KAZN: variants seen among roughly 807,000 people sequenced by gnomAD.
KAZN encodes the protein kazrin, periplakin interacting protein, also known as kazrin.
A neutral mutation model predicts 87.4 loss-of-function variants in KAZN; 40 were observed. The ratio of observed to expected loss-of-function variants is 0.46; its 90% CI spans 0.36 to 0.60. KAZN has a LOEUF of 0.60. Ranked by LOEUF, KAZN falls within the 20% of genes least tolerant of loss-of-function variation. The pLI, the probability that KAZN is intolerant of heterozygous loss-of-function variation, is 0.00. For missense variants in KAZN, 898 were observed against 1,073.9 expected, an observed-to-expected ratio of 0.84 and a Z score of 2.29; for synonymous variants, 466 against 458.3, an observed-to-expected ratio of 1.02 and a Z score of -0.22.
intron 13 of KAZN, among the ~76,000 whole-genome samples, chr1:15,108,976 G>A (rs1487186820): frequency 6.6e-6 from 1 of 152,148 alleles, no homozygotes. Flanking sequence ...GGGGATTTCA[G>A]CCACTGTGGA....
At chr1:14,409,404 A>T (rs570448370) in intron 2 of KAZN, among the ~76,000 whole-genome samples, 1 of 152,326 alleles carries the variant, frequency 6.6e-6, no homozygotes, top group South Asian at 2.1e-4. Context: ...AAAACCACCT[A>T]CCTGCCCAGG....
chr1:15,056,187 GT>G lies in KAZN; in HGVS notation c.824del (p.Val275GlyfsTer8). On this transcript the variant is annotated frameshift_variant, in exon 5 of 15. Transcript: ENST00000376030. LOFTEE classifies it high-confidence loss of function. This position sits in a 1 kb window ranked among gnomAD's most constrained non-coding sequence, Gnocchi z 5.4. ...GGTGCTCAATGGCAACCAGGAGTGG[GT>G]GGTGCAGGCGGACCTCCCGCTGACC... is the stretch of plus-strand genomic sequence containing the variant. ...ETVLNGNQEW[V>X]VQADLPLTAA... The G allele has an allele frequency of 6.2e-7, 1 of 1,614,188 alleles. No individual in the cohort carries two copies. Among genetic ancestry groups the G allele is most frequent in the Non-Finnish European group, 8.5e-7 (1 of 1,180,036 alleles).
chr1:14,034,809 A>G (rs916803351), intron 1 of KAZN, among the ~76,000 whole-genome samples: 4 of 152,182 alleles, frequency 2.6e-5, no homozygotes, highest in Non-Finnish European at 5.9e-5. Context: ...GGCTCTGTGT[A>G]ATCAAGGAAT....
chr1:14,927,968 A>G (rs555819357), intron 1 of KAZN, among the ~76,000 whole-genome samples: 2 of 134,834 alleles, frequency 1.5e-5, no homozygotes, highest in African/African-American at 3.8e-5. Context: ...CCTTGTCTTC[A>G]TGGGTCCTCC....
At chr1:14,726,615 A>G (rs1156749684) in intron 1 of KAZN, among the ~76,000 whole-genome samples, 2 of 152,214 alleles carry the variant, frequency 1.3e-5, no homozygotes, top group East Asian at 1.9e-4. Context: ...TGTCCCCTAC[A>G]TAGAACAACA....
In KAZN at chr1:14,224,233, G is replaced by C. The variant is rs1022113251; in HGVS notation, c.249+43641G>C. 3.3e-5 allele frequency among the ~76,000 whole-genome samples: 5 copies of C among 152,196 alleles called. No homozygotes were observed. The East Asian group carries it at 9.7e-4, about 29-fold the overall frequency. On this transcript the variant is annotated intron_variant, in intron 2 of 16. Coordinates refer to the KAZN transcript ENST00000636203. ...AGCTCAGATTTCATAAAGGCCAAAG[G>C]GGCAGGGTCTAGTCAAGGGCAAATG...
At chr1:14,693,845 C>G (rs74058798) in intron 1 of KAZN, among the ~76,000 whole-genome samples, 3,382 of 152,270 alleles carry the variant, frequency 0.022, 141 homozygotes, top group African/African-American at 0.078. Context: ...CTCAGCTCAG[C>G]CCCCATTAAA....
chr1:14,810,684 G>C (rs1009818664), intron 1 of KAZN, among the ~76,000 whole-genome samples: 3 of 152,202 alleles, frequency 2.0e-5, no homozygotes, highest in East Asian at 3.9e-4. Flanking sequence ...GTGAACTCAG[G>C]CCTGCCGGAT....
chr1:14,508,365 A>G (rs902079515), intron 2 of KAZN, among the ~76,000 whole-genome samples: 4 of 152,178 alleles, frequency 2.6e-5, no homozygotes, highest in Non-Finnish European at 4.4e-5. Flanking sequence ...TTCATGACTT[A>G]GAAGGATCTT....
chr1:14,656,236 A>C (rs1340900902), intron 1 of KAZN, among the ~76,000 whole-genome samples: 1 of 152,152 alleles, frequency 6.6e-6, no homozygotes, highest in Non-Finnish European at 1.5e-5. Flanking sequence ...TGCATTTGCC[A>C]TCAGGGAGGG....
At chr1:14,366,522 C>A (rs552641188) in intron 2 of KAZN, among the ~76,000 whole-genome samples, 1 of 152,200 alleles carries the variant, frequency 6.6e-6, no homozygotes, top group African/African-American at 2.4e-5. Context: ...CCAGCTGCTT[C>A]GGCGCCAGCA....
chr1:14,988,710 C>G (rs889440294), intron 2 of KAZN, among the ~76,000 whole-genome samples: 1 of 152,220 alleles, frequency 6.6e-6, no homozygotes, highest in Middle Eastern at 3.2e-3. Flanking sequence ...GATGCCCCCC[C>G]AGTTTACAAG....
chr1:14,507,165 T>C (rs1244148436), intron 2 of KAZN, among the ~76,000 whole-genome samples: 2 of 152,238 alleles, frequency 1.3e-5, no homozygotes, highest in Non-Finnish European at 2.9e-5. Flanking sequence ...ATGGGTTTCA[T>C]TGTGGGCCAG....
chr1:14,026,013 G>A (rs981605698), intron 1 of KAZN, among the ~76,000 whole-genome samples: 6 of 152,060 alleles, frequency 3.9e-5, no homozygotes, highest in Non-Finnish European at 8.8e-5. Context: ...TTCACCTTAA[G>A]CTTAGGCCAG....
intron 2 of KAZN, among the ~76,000 whole-genome samples, chr1:14,200,765 C>A (rs887730293): frequency 6.6e-6 from 1 of 151,848 alleles, no homozygotes; most frequent in African/African-American, 2.4e-5. Context: ...TAATGCACAG[C>A]CTATTGAGAT....
At chr1:15,084,032 G>T (rs1640134213) in intron 8 of KAZN, among the ~76,000 whole-genome samples, 1 of 152,170 alleles carries the variant, frequency 6.6e-6, no homozygotes, top group South Asian at 2.1e-4. Flanking sequence ...TATTCCTGGG[G>T]GAAGGCAAGA....
intron 1 of KAZN, among the ~76,000 whole-genome samples, chr1:13,954,067 G>A (rs2359896): frequency 0.83 from 126,868 of 152,182 alleles, 52,913 homozygotes; most frequent in South Asian, 0.93. Flanking sequence ...GGAAAATTCA[G>A]ATGAATGAGT....
intron 2 of KAZN, among the ~76,000 whole-genome samples, chr1:14,586,351 A>T (rs1675845599): frequency 6.6e-6 from 1 of 152,180 alleles, no homozygotes; most frequent in Non-Finnish European, 1.5e-5. Flanking sequence ...ATGTTTACTG[A>T]ACACCCACCA....
At chr1:14,752,009 G>C (rs1417965199) in intron 1 of KAZN, among the ~76,000 whole-genome samples, 1 of 152,218 alleles carries the variant, frequency 6.6e-6, no homozygotes, top group African/African-American at 2.4e-5. Flanking sequence ...TGCTTCTGGT[G>C]AGGGCCTCGG....
Sources: gnomAD v4.1 joint callset for allele counts (sites outside exome capture counted in the v4.1 genomes callset) on GRCh38, gnomAD v4.1.1 for gene constraint, Gnocchi (gnomAD v3.1) non-coding constraint, MANE v1.5 for transcripts, NCBI Gene and HGNC (gene_info 2026-07-23, HGNC 2026-07-21) for gene names.